Variants in STX12 observed in about 807,000 individuals in gnomAD.
STX12 encodes the protein syntaxin-12.
A neutral mutation model predicts 42.2 loss-of-function variants in STX12; 17 were observed. The observed-to-expected ratio is 0.40, with a 90% CI of 0.28 to 0.60. The LOEUF (loss-of-function observed/expected upper bound fraction) is 0.60, where lower values mean the gene tolerates loss of function less well. STX12 is among the 20% of genes least tolerant of loss of function. The probability of loss-of-function intolerance (pLI) is 0.39; values close to 1 mark genes in which losing one functional copy is unlikely to be tolerated. For synonymous variants in STX12, 108 were observed against 116.7 expected, an observed-to-expected ratio of 0.93 and a Z score of 0.48; for missense variants, 297 against 330.9, an observed-to-expected ratio of 0.90 and a Z score of 0.79.
Position 27,787,299 on chromosome 1 carries a change from T to C in STX12, c.119-2263T>C, listed in dbSNP as rs138707400. 3.3e-3 allele frequency among the ~76,000 whole-genome samples: 501 copies of C among 152,256 alleles called. 4 individuals carry two copies. Among genetic ancestry groups the C allele is most frequent in the African/African-American group, 0.011 (473 of 41,556 alleles). The stretch of plus-strand genomic sequence containing the variant: ...TAAGGACTGAGTTGTTCCATTTCTG[T>C]TTAGGAATAGAAGCACCCAGCAATA... On this transcript the variant is annotated intron_variant, in intron 1 of 8. Transcript: ENST00000373943.
At position 27,813,790 on chromosome 1, in the gene STX12, C is replaced by T. The variant is rs559999215; in HGVS notation, c.576+1522C>T. On this transcript the variant is annotated intron_variant, in intron 6 of 8. Transcript: ENST00000373943. The stretch of plus-strand genomic sequence containing the variant: ...AAACTAATAAATCATAATTTCTGGG[C>T]GTGAGGCCCTGGGCATGGGTATTTT... 5.3e-5 allele frequency among the ~76,000 whole-genome samples: 8 copies of T among 152,238 alleles called. 1 individual carries two copies. The South Asian group carries it at 8.3e-4, about 16-fold the overall frequency.
chr1:27,777,552 G>A (rs2148595792), intron 1 of STX12, among the ~76,000 whole-genome samples: 1 of 152,262 alleles, frequency 6.6e-6, no homozygotes, highest in Admixed American at 6.5e-5. Flanking sequence ...CTTGTACTGT[G>A]TAGTACATAC....
rs552760857 is a variant in STX12 at position 27,801,326 on chromosome 1, A to G, written c.289-352A>G. On this transcript the variant is annotated intron_variant, in intron 3 of 8. Coordinates refer to ENST00000373943, the MANE Select transcript of STX12 (RefSeq NM_177424.3). Reference sequence around the variant, plus strand: ...GCTGAGGCACAAGAATCGCTTGAACACGGGCGGCAGAGGTTGGCAGTGAGC... The same window carrying G: ...GCTGAGGCACAAGAATCGCTTGAACGCGGGCGGCAGAGGTTGGCAGTGAGC... Among the ~76,000 whole-genome samples, 4 of 151,972 alleles carry G rather than the reference A, an allele frequency of 2.6e-5. No homozygotes were observed. The South Asian group carries it at 8.3e-4, about 32-fold the overall frequency.
At chr1:27,818,162 C>T in intron 7 of STX12, 2 of 417,842 alleles carry the variant, frequency 4.8e-6, no homozygotes, top group Non-Finnish European at 8.7e-6. Context: ...GCGGGCAGAT[C>T]ATGAGGTCAG....
At chr1:27,789,900 G>A (rs553955102) in intron 2 of STX12, among the ~76,000 whole-genome samples, 3 of 152,238 alleles carry the variant, frequency 2.0e-5, no homozygotes, top group East Asian at 1.9e-4. Flanking sequence ...AAGGGAATTC[G>A]TACCACTATT....
At chr1:27,806,047 G>A (rs1385359370) in intron 4 of STX12, among the ~76,000 whole-genome samples, 1 of 152,072 alleles carries the variant, frequency 6.6e-6, no homozygotes, top group Non-Finnish European at 1.5e-5. Flanking sequence ...CCTGAGTTAT[G>A]CAGCTCTTCC....
chr1:27,812,607 A>G (rs2088911022), intron 6 of STX12, among the ~76,000 whole-genome samples: 1 of 151,850 alleles, frequency 6.6e-6, no homozygotes, highest in Admixed American at 6.6e-5. Context: ...ACGCCCAGCT[A>G]ATTTTGTATT....
chr1:27,789,860 A>G (rs1344684506), intron 2 of STX12, among the ~76,000 whole-genome samples: 2 of 152,206 alleles, frequency 1.3e-5, no homozygotes, highest in African/African-American at 4.8e-5. Context: ...CCTCTTGGGC[A>G]GTTTAGCAGA....
Position 27,798,419 on chromosome 1 carries a change from C to T in STX12, c.289-3259C>T, listed in dbSNP as rs557937824. Among the ~76,000 whole-genome samples the T allele has an allele frequency of 3.5e-3, 526 of 151,460 alleles. 2 individuals carry two copies. The highest frequency in any genetic ancestry group is 0.012 in the African/African-American group (493 of 41,260). ...CAGCACTTTGGGAGGCCGAGGTGGG[C>T]GGATCACCTGAGGTCAGGAGTTTGA... is the stretch of plus-strand genomic sequence containing the variant. On this transcript the variant is annotated intron_variant, in intron 3 of 8. Coordinates refer to ENST00000373943, the MANE Select transcript of STX12 (RefSeq NM_177424.3).
At chr1:27,796,279 T>G (rs2088785031) in intron 3 of STX12, among the ~76,000 whole-genome samples, 1 of 152,208 alleles carries the variant, frequency 6.6e-6, no homozygotes, top group African/African-American at 2.4e-5. Flanking sequence ...GTCTTTTCAT[T>G]ACTATCTTAT....
chr1:27,804,178 C>A lies in STX12; in HGVS notation c.426+2363C>A, dbSNP rs533198741. On this transcript the variant is annotated intron_variant, in intron 4 of 8. Transcript: ENST00000373943. ...CAGTGGCTCATGCCTGTAATCCCAG[C>A]ACTTTGGGAGGCCGAGGCGGGTGGA... is the stretch of plus-strand genomic sequence containing the variant. Among the ~76,000 whole-genome samples, 15 of 152,100 alleles carry A rather than the reference C, an allele frequency of 9.9e-5. No individual in the cohort carries two copies. In the South Asian group the frequency reaches 1.9e-3, roughly 19 times the overall value.
intron 5 of STX12, 196 bp from the exon 6 acceptor site, chr1:27,811,967 G>A: frequency 1.5e-6 from 1 of 656,844 alleles, no homozygotes; most frequent in South Asian, 1.5e-5. Flanking sequence ...TGGAAGCTGA[G>A]TCTTTGTTTT....
intron 4 of STX12, among the ~76,000 whole-genome samples, chr1:27,804,284 C>T (rs188786817): frequency 6.0e-5 from 9 of 149,528 alleles, no homozygotes; most frequent in South Asian, 2.1e-4. Flanking sequence ...AAATTAGCCG[C>T]GCATGGTGGC....
intron 3 of STX12, among the ~76,000 whole-genome samples, chr1:27,798,198 C>T (rs975991260): frequency 1.3e-5 from 2 of 152,028 alleles, no homozygotes; most frequent in African/African-American, 4.8e-5. Flanking sequence ...GGATTATTTA[C>T]ATAAAATTTA....
chr1:27,792,970 C>T (rs917823687), intron 2 of STX12, among the ~76,000 whole-genome samples: 11 of 152,112 alleles, frequency 7.2e-5, no homozygotes, highest in African/African-American at 2.4e-4. Context: ...GAGGGAAGAG[C>T]CAGAAACTCA....
chr1:27,785,206 G>A (rs528267896), intron 1 of STX12, among the ~76,000 whole-genome samples: 1 of 152,178 alleles, frequency 6.6e-6, no homozygotes, highest in South Asian at 2.1e-4. Context: ...TCAGATCTAC[G>A]TTTACATGTT....
chr1:27,804,282 C>T (rs371216354), intron 4 of STX12, among the ~76,000 whole-genome samples: 5 of 150,558 alleles, frequency 3.3e-5, no homozygotes, highest in South Asian at 2.1e-4. Context: ...CAAAATTAGC[C>T]GCGCATGGTG....
intron 3 of STX12, among the ~76,000 whole-genome samples, chr1:27,794,863 A>G (rs534229842): frequency 1.8e-4 from 28 of 152,214 alleles, no homozygotes; most frequent in African/African-American, 6.0e-4. Flanking sequence ...CTGGAACCAC[A>G]AGTGCGCACC....
intron 3 of STX12, among the ~76,000 whole-genome samples, chr1:27,797,341 G>A (rs2088793491): frequency 6.6e-6 from 1 of 152,184 alleles, no homozygotes; most frequent in South Asian, 2.1e-4. Flanking sequence ...GCAGGTGTGA[G>A]CTACCATGCC....
Sources: allele counts gnomAD v4.1 joint callset (sites outside exome capture counted in the v4.1 genomes callset), GRCh38; gene constraint gnomAD v4.1.1; transcripts MANE v1.5; gene names NCBI Gene and HGNC (gene_info 2026-07-23, HGNC 2026-07-21).